The following UBE3A variants were observed in gnomAD, a reference collection of about 807,000 sequenced individuals.
UBE3A encodes the protein ubiquitin protein ligase E3A.
Under a neutral mutation model 83.4 loss-of-function variants are expected in UBE3A, and 6 were observed. That is an observed-to-expected ratio of 0.07 (90% confidence interval 0.04 to 0.14). UBE3A has a LOEUF of 0.14. Ranked by LOEUF, UBE3A falls within the 10% of genes least tolerant of loss-of-function variation. UBE3A has a pLI of 1.00. For missense variants in UBE3A, 456 were observed against 1,036.1 expected (o/e 0.44, Z 7.69); for synonymous variants, 337 against 355.4 (o/e 0.95, Z 0.58).
chr15:25,380,000 CA>C lies in UBE3A; in HGVS notation c.63-4238del, dbSNP rs562203909. ...CAAATCTCATCTTGAATTGTACTCC[CA>C]TAATTCTCATGTGTTGTAGGAGTGA... On this transcript the variant is annotated intron_variant, in intron 4 of 12. Coordinates refer to ENST00000648336, the MANE Select transcript of UBE3A (RefSeq NM_130839.5). 2.0e-3 allele frequency among the ~76,000 whole-genome samples: 305 copies of C among 152,156 alleles called. 1 individual carries two copies. The highest frequency in any genetic ancestry group is 3.3e-3 in the Non-Finnish European group (226 of 68,012).
At chr15:25,377,348 GCAAA>G (rs1376335297) in intron 4 of UBE3A, among the ~76,000 whole-genome samples, 3 of 152,024 alleles carry the variant, frequency 2.0e-5, no homozygotes, top group East Asian at 1.9e-4. Context: ...CTCACTGCAT[GCAAA>G]CAGAGAAAAA....
intron 4 of UBE3A, among the ~76,000 whole-genome samples, chr15:25,401,206 A>G (rs1177867094): frequency 6.6e-6 from 1 of 152,128 alleles, no homozygotes; most frequent in African/African-American, 2.4e-5. Flanking sequence ...TGTTGAATTT[A>G]GTTATTATTT....
At chr15:25,350,710 AAC>A (rs963319340) in intron 11 of UBE3A, among the ~76,000 whole-genome samples, 1 of 152,186 alleles carries the variant, frequency 6.6e-6, no homozygotes, top group African/African-American at 2.4e-5. Flanking sequence ...GTAAAAAAAA[AAC>A]ACTTTGCGTA....
chr15:25,427,008 A>G (rs1891502827), intron 1 of UBE3A, among the ~76,000 whole-genome samples: 1 of 152,026 alleles, frequency 6.6e-6, no homozygotes, highest in African/African-American at 2.4e-5. Context: ...CTGGTCTCCA[A>G]TTCGTGGCCT....
At chr15:25,372,439 A>C (rs1015193187) in intron 5 of UBE3A, among the ~76,000 whole-genome samples, 1 of 152,202 alleles carries the variant, frequency 6.6e-6, no homozygotes, top group African/African-American at 2.4e-5. Context: ...GAATCAGGTT[A>C]GACTAAATCT....
intron 4 of UBE3A, among the ~76,000 whole-genome samples, chr15:25,379,026 G>A (rs1437338986): frequency 6.6e-6 from 1 of 152,104 alleles, no homozygotes; most frequent in Non-Finnish European, 1.5e-5. Flanking sequence ...TCACATAATG[G>A]CTCTACCTCT....
At chr15:25,374,736 T>TGC (rs2080906675) in intron 5 of UBE3A, 1 of 152,194 alleles carries the variant, frequency 6.6e-6, no homozygotes, top group South Asian at 2.1e-4. Flanking sequence ...AAAATACAAT[T>TGC]GCCTCTGGGT....
chr15:25,417,378 C>T (rs77764328), intron 1 of UBE3A, among the ~76,000 whole-genome samples: 5,959 of 151,886 alleles, frequency 0.039, 135 homozygotes, highest in Non-Finnish European at 0.043. Flanking sequence ...AATCTAGACA[C>T]CCAACAACAA....
At chr15:25,381,074 AAC>A (rs564719394) in intron 4 of UBE3A, among the ~76,000 whole-genome samples, 145 of 152,366 alleles carry the variant, frequency 9.5e-4, no homozygotes, top group African/African-American at 3.3e-3. Flanking sequence ...GTTAGCAATT[AAC>A]TTTGAAAGGC....
At chr15:25,380,561 G>A (rs1397860849) in intron 4 of UBE3A, among the ~76,000 whole-genome samples, 1 of 152,056 alleles carries the variant, frequency 6.6e-6, no homozygotes, top group Admixed American at 6.6e-5. Flanking sequence ...AAGAAGAGGA[G>A]AGGGGAAAAG....
intron 11 of UBE3A, among the ~76,000 whole-genome samples, chr15:25,350,743 T>C (rs1415706173): frequency 6.6e-6 from 1 of 152,158 alleles, no homozygotes; most frequent in East Asian, 1.9e-4. Flanking sequence ...GCAACACTAC[T>C]CTATAATTTT....
intron 4 of UBE3A, among the ~76,000 whole-genome samples, chr15:25,386,298 A>AG (rs1347456731): frequency 7.2e-5 from 11 of 152,294 alleles, no homozygotes; most frequent in African/African-American, 2.6e-4. Flanking sequence ...CCTTTTACCT[A>AG]GTACATCATG....
At position 25,355,928 on chromosome 15, in the gene UBE3A, A is replaced by G; in HGVS notation, c.2088T>C (p.Asn696=). 2 of 1,613,496 alleles carry G rather than the reference A, an allele frequency of 1.2e-6. No homozygotes were observed. Among genetic ancestry groups the G allele is most frequent in the Non-Finnish European group, 1.7e-6 (2 of 1,179,708 alleles). ...CATTTGTAATTGGAATTTTATCACC[A>G]TTTTCCTTTAGATCATACATCATTG... is the stretch of plus-strand genomic sequence containing the variant. ...GNPMMYDLKE[N]GDKIPITNEN... Residue 696 remains asparagine (N), a synonymous_variant, in exon 9 of 13, where the codon AAT becomes AAC. Coordinates refer to ENST00000648336, the MANE Select transcript of UBE3A (RefSeq NM_130839.5).
intron 1 of UBE3A, among the ~76,000 whole-genome samples, chr15:25,431,390 T>C (rs1358118906): frequency 5.9e-5 from 9 of 152,200 alleles, no homozygotes; most frequent in African/African-American, 2.2e-4. Context: ...TTGCCCAGGC[T>C]GGAGTGCAAT....
At chr15:25,398,782 T>C (rs1177954339) in intron 4 of UBE3A, among the ~76,000 whole-genome samples, 1 of 28,064 alleles carries the variant, frequency 3.6e-5, no homozygotes. Flanking sequence ...TATATATATA[T>C]ATATATATAT....
intron 6 of UBE3A, among the ~76,000 whole-genome samples, chr15:25,361,867 A>T (rs2078166797): frequency 6.6e-6 from 1 of 151,000 alleles, no homozygotes; most frequent in Non-Finnish European, 1.5e-5. Flanking sequence ...CACTGAAACA[A>T]CTGTAACACA....
In UBE3A at chr15:25,334,540, C is replaced by G. The variant is rs779047006; in HGVS notation, c.*4597G>C. ...ATCCCAGCTGTTTTGCAGGAATTGACACAATGATCATATAAAAATTCATAT... is the reference window on the plus strand; with the variant it reads ...ATCCCAGCTGTTTTGCAGGAATTGAGACAATGATCATATAAAAATTCATAT... On this transcript the variant is annotated 3_prime_UTR_variant, in exon 13 of 13. Coordinates refer to ENST00000648336, the MANE Select transcript of UBE3A (RefSeq NM_130839.5). 2.7e-5 allele frequency: 4 copies of G among 149,136 alleles called. No homozygotes were observed. The highest frequency in any genetic ancestry group is 4.4e-5 in the Non-Finnish European group (3 of 67,638). 9.2% of individuals were successfully genotyped at this position (149,136 alleles called of 1,614,324 possible).
In UBE3A at chr15:25,339,063, A is replaced by ATATT; in HGVS notation, c.*70_*73dup. On this transcript the variant is annotated 3_prime_UTR_variant, in exon 13 of 13. Coordinates refer to ENST00000648336, the MANE Select transcript of UBE3A (RefSeq NM_130839.5). ...CACCACCAAAAATTTATCCCTCGTT[A>ATATT]TATTTTTAAAATTTTTTAAATTTTT... is the stretch of plus-strand genomic sequence containing the variant. 7.0e-7 allele frequency: 1 copy of ATATT among 1,434,666 alleles called. No homozygotes were observed. The highest frequency in any genetic ancestry group is 9.1e-7 in the Non-Finnish European group (1 of 1,094,722). The allele number at this position is 1,434,666 out of a possible 1,614,324, so 88.9% of individuals were successfully genotyped here.
chr15:25,406,854 A>G (rs2088701757), intron 3 of UBE3A, among the ~76,000 whole-genome samples: 1 of 115,468 alleles, frequency 8.7e-6, no homozygotes, highest in South Asian at 3.7e-4. Context: ...AGAATGGAAA[A>G]GGAAAAAAAA....
Sources: allele counts gnomAD v4.1 joint callset (sites outside exome capture counted in the v4.1 genomes callset), GRCh38; gene constraint gnomAD v4.1.1; transcripts MANE v1.5; gene names NCBI Gene and HGNC (gene_info 2026-07-23, HGNC 2026-07-21).